IGDCC4: variants seen among roughly 807,000 people sequenced by gnomAD.
IGDCC4 encodes the protein immunoglobulin superfamily DCC subclass member 4, also known as likely ortholog of mouse neighbor of Punc E11.
IGDCC4 carries 72 observed loss-of-function variants against 116.6 expected under a neutral mutation model. The ratio of observed to expected loss-of-function variants is 0.62; its 90% CI spans 0.51 to 0.75. The LOEUF (loss-of-function observed/expected upper bound fraction) is 0.75, where lower values mean the gene tolerates loss of function less well. IGDCC4 is among the 30% of genes least tolerant of loss of function. The pLI, the probability that IGDCC4 is intolerant of heterozygous loss-of-function variation, is 0.00. For missense variants in IGDCC4, 1,501 were observed against 1,662.4 expected, an observed-to-expected ratio of 0.90 and a Z score of 1.69; for synonymous variants, 709 against 719.9, an observed-to-expected ratio of 0.98 and a Z score of 0.24.
intron 1 of IGDCC4, among the ~76,000 whole-genome samples, chr15:65,419,468 T>C (rs762782465): frequency 1.3e-5 from 2 of 152,150 alleles, no homozygotes; most frequent in African/African-American, 2.4e-5. Context: ...CTAATTAACA[T>C]GTAAATGTGT....
At chr15:65,416,136 C>CTTTTTTTTTTT (rs60072640) in intron 1 of IGDCC4, among the ~76,000 whole-genome samples, 1 of 77,608 alleles carries the variant, frequency 1.3e-5, no homozygotes, top group East Asian at 4.3e-4. Context: ...AATGTTTTGA[C>CTTTTTTTTTTT]TTTTTTTTTT....
At position 65,422,856 on chromosome 15, in the gene IGDCC4, G is replaced by T. The variant is rs1175649792; in HGVS notation, c.7C>A (p.Arg3=). The T allele has an allele frequency of 8.5e-7, 1 of 1,182,660 alleles. No individual in the cohort carries two copies. Among genetic ancestry groups the T allele is most frequent in the African/African-American group, 1.6e-5 (1 of 61,602 alleles). 73.3% of individuals were successfully genotyped at this position (1,182,660 alleles called of 1,614,324 possible). The change falls in exon 1 of 20, where the codon CGG becomes AGG. Residue 3 remains arginine, a synonymous_variant. Coordinates refer to ENST00000352385, the MANE Select transcript of IGDCC4 (RefSeq NM_020962.3). MA[R]GDAGRGRGLL... ...CCGCGGCCGCGGCCGGCGTCCCCCC[G>T]CGCCATGGGGCTGGGCTCGGGCCGC...
At chr15:65,396,266 C>A in intron 6 of IGDCC4, 103 bp from the exon 7 acceptor site, 1 of 1,267,820 alleles carries the variant, frequency 7.9e-7, no homozygotes, top group Non-Finnish European at 1.1e-6. Context: ...CCCTCGCTCC[C>A]CTTCCAATCA....
At chr15:65,389,065 G>T in intron 14 of IGDCC4, 87 bp from the exon 15 acceptor site, 1 of 1,105,204 alleles carries the variant, frequency 9.0e-7, no homozygotes, top group Non-Finnish European at 1.3e-6. Context: ...CTCCTTCATG[G>T]AACAAGCCAC....
chr15:65,384,034 C>T lies in IGDCC4; in HGVS notation c.3728G>A (p.Arg1243Lys). ...CTAGGCAGAGGAGGAGACCGGGGAT[C>T]TGGGCAGGCCTGGGCTGGCTCCTAG... Reference protein sequence around the residue: ...CPLGASPGLPRSPVSSSA With the variant: ...CPLGASPGLPKSPVSSSA The change falls in exon 20 of 20, where the codon AGA (arginine) becomes AAA (lysine). Residue 1243 changes from arginine (R) to lysine (K), a missense_variant. Around this residue, in one of 3 missense-constraint regions of IGDCC4, gnomAD observed 368 missense variants for 355.6 expected, o/e 1.03. Coordinates refer to ENST00000352385, the MANE Select transcript of IGDCC4 (RefSeq NM_020962.3). This position sits in a 1 kb window ranked among gnomAD's most constrained non-coding sequence, Gnocchi z 4.9. The T allele has an allele frequency of 6.3e-7, 1 of 1,597,876 alleles. No homozygotes were observed. Among genetic ancestry groups the T allele is most frequent in the Non-Finnish European group, 8.6e-7 (1 of 1,168,328 alleles).
Position 65,385,143 on chromosome 15 carries a change from AGGG to A in IGDCC4, c.3181-31_3181-29del, listed in dbSNP as rs561095795. The A allele has an allele frequency of 2.2e-4, 347 of 1,545,860 alleles. 3 individuals carry two copies. In the South Asian group the frequency reaches 3.6e-3, roughly 16 times the overall value. On this transcript the variant is annotated intron_variant, in intron 18 of 19. Coordinates refer to ENST00000352385, the MANE Select transcript of IGDCC4 (RefSeq NM_020962.3). ...GCACGGGGGAAAGAAGGGGACAGTA[AGGG>A]GCACGACCAGGATTGGCTGGGAGAG... is the stretch of plus-strand genomic sequence containing the variant.
chr15:65,407,332 A>T, intron 3 of IGDCC4, among the ~76,000 whole-genome samples: 1 of 152,084 alleles, frequency 6.6e-6, no homozygotes, highest in East Asian at 1.9e-4. Context: ...AGTATGTACA[A>T]TATAATTTAT....
At position 65,410,314 on chromosome 15, in the gene IGDCC4, C is replaced by T. The variant is rs146119608; in HGVS notation, c.427G>A (p.Ala143Thr). The T allele has an allele frequency of 1.8e-5, 29 of 1,613,890 alleles. No homozygotes were observed. The African/African-American group carries it at 2.0e-4, about 11-fold the overall frequency. The change falls in exon 3 of 20, where the codon GCA becomes ACA. Residue 143 changes from alanine (A) to threonine (T), a missense_variant. Coordinates refer to ENST00000352385, the MANE Select transcript of IGDCC4 (RefSeq NM_020962.3). Reference sequence around the variant, plus strand: ...GACTCCGGGTGCAGAGAGAAGTCTGCGAGTGCTGGGGACAGTGAGACACAG... The same window carrying T: ...GACTCCGGGTGCAGAGAGAAGTCTGTGAGTGCTGGGGACAGTGAGACACAG... ...QTAVVKLATLADFSLHPESQT... is the reference protein window; with the variant it reads ...QTAVVKLATLTDFSLHPESQT...
intron 12 of IGDCC4, among the ~76,000 whole-genome samples, chr15:65,391,130 C>T (rs527761464): frequency 2.6e-5 from 4 of 152,106 alleles, no homozygotes; most frequent in East Asian, 3.9e-4. Flanking sequence ...CTCAAGAGGC[C>T]GAGGCACAAG....
At chr15:65,402,330 C>T in intron 4 of IGDCC4, 21 bp downstream of exon 4, 6 of 1,555,362 alleles carry the variant, frequency 3.9e-6, no homozygotes, top group Non-Finnish European at 5.2e-6. Flanking sequence ...CCAGGTTTCC[C>T]CACCCAGCCA....
intron 1 of IGDCC4, among the ~76,000 whole-genome samples, chr15:65,413,126 T>TGAA (rs1004102631): frequency 5.3e-5 from 8 of 151,824 alleles, no homozygotes; most frequent in African/African-American, 1.9e-4. Context: ...GCCACCTGGA[T>TGAA]GAAGGAAAGT....
intron 1 of IGDCC4, among the ~76,000 whole-genome samples, chr15:65,412,769 TA>T (rs1039325427): frequency 6.6e-6 from 1 of 151,788 alleles, no homozygotes; most frequent in Non-Finnish European, 1.5e-5. Flanking sequence ...CTCATCATTA[TA>T]AAAAAAAATT....
intron 5 of IGDCC4, among the ~76,000 whole-genome samples, chr15:65,398,339 G>T (rs2062946472): frequency 6.6e-6 from 1 of 151,760 alleles, no homozygotes; most frequent in African/African-American, 2.4e-5. Flanking sequence ...TTCGAAACCA[G>T]ACTGGCTAAC....
chr15:65,404,841 A>G (rs1296473533), intron 3 of IGDCC4, among the ~76,000 whole-genome samples: 1 of 152,176 alleles, frequency 6.6e-6, no homozygotes, highest in Non-Finnish European at 1.5e-5. Context: ...GCTTGAGGCC[A>G]GGAGTTGGAG....
intron 5 of IGDCC4, among the ~76,000 whole-genome samples, chr15:65,398,262 A>C (rs1344300016): frequency 6.6e-6 from 1 of 152,170 alleles, no homozygotes; most frequent in East Asian, 1.9e-4. Flanking sequence ...AGCCGGACAC[A>C]GTGGCTCACA....
At chr15:65,410,422 A>G (rs1249534944) in intron 2 of IGDCC4, 103 bp from the exon 3 acceptor site, 26 of 1,390,336 alleles carry the variant, frequency 1.9e-5, no homozygotes, top group Non-Finnish European at 2.0e-6. Context: ...ACAGAAACAC[A>G]CAGTCACAGA....
At chr15:65,402,631 G>A (rs1312667996) in intron 3 of IGDCC4, 144 bp from the exon 4 acceptor site, 6 of 1,067,654 alleles carry the variant, frequency 5.6e-6, no homozygotes, top group African/African-American at 3.2e-5. Context: ...CACTTTGGGA[G>A]GCGAGGCGGG....
intron 6 of IGDCC4, among the ~76,000 whole-genome samples, chr15:65,396,624 T>A (rs930368263): frequency 6.6e-5 from 10 of 151,636 alleles, no homozygotes; most frequent in Non-Finnish European, 1.2e-4. Flanking sequence ...CCCCTCTCGC[T>A]CCATCCCAGA....
In IGDCC4 at chr15:65,384,334, T is replaced by A; in HGVS notation, c.3428A>T (p.Asn1143Ile). The A allele has an allele frequency of 6.3e-7, 1 of 1,597,164 alleles. No individual in the cohort carries two copies. Among genetic ancestry groups the A allele is most frequent in the Non-Finnish European group, 8.5e-7 (1 of 1,172,640 alleles). Reference sequence around the variant, plus strand: ...TTGGAGATGGAGGTCAGGGTTCCCGTTAGATGCACTAAAGTCAGAGTGGAC... The same window carrying A: ...TTGGAGATGGAGGTCAGGGTTCCCGATAGATGCACTAAAGTCAGAGTGGAC... ...VIVHSDFSAS[N>I]GNPDLHLQDL... Residue 1143 changes from asparagine to isoleucine, a missense_variant, in exon 20 of 20, where the codon AAC (asparagine) becomes ATC (isoleucine). Around this residue, in one of 3 missense-constraint regions of IGDCC4, gnomAD observed 368 missense variants for 355.6 expected, o/e 1.03. Coordinates refer to ENST00000352385, the MANE Select transcript of IGDCC4 (RefSeq NM_020962.3). This position sits in a 1 kb window ranked among gnomAD's most constrained non-coding sequence, Gnocchi z 4.9.
Sources: allele counts gnomAD v4.1 joint callset (sites outside exome capture counted in the v4.1 genomes callset), GRCh38; gene constraint gnomAD v4.1.1; regional missense constraint gnomAD v4.1.1; non-coding constraint Gnocchi (gnomAD v3.1); transcripts MANE v1.5; gene names NCBI Gene and HGNC (gene_info 2026-07-23, HGNC 2026-07-21).